EXOC6B: variants seen among roughly 807,000 people sequenced by gnomAD.
EXOC6B encodes the protein exocyst complex component 6B.
In EXOC6B, 54 loss-of-function variants were observed where a neutral mutation model predicts 113.5. The observed-to-expected ratio is 0.48, with a 90% CI of 0.38 to 0.60. EXOC6B has a LOEUF of 0.60. Among genes scored for constraint, EXOC6B ranks in the 20% least tolerant of loss-of-function variants. The pLI is 0.00. For synonymous variants in EXOC6B, 357 were observed against 339.0 expected, an observed-to-expected ratio of 1.05 and a Z score of -0.58; for missense variants, 797 against 977.5, an observed-to-expected ratio of 0.82 and a Z score of 2.46.
Position 72,208,168 on chromosome 2 carries a change from T to C in EXOC6B, c.2197-23981A>G, listed in dbSNP as rs116163754. Among the ~76,000 whole-genome samples, 533 of 152,150 alleles carry C rather than the reference T, an allele frequency of 3.5e-3. 1 individual carries two copies. The highest frequency in any genetic ancestry group is 0.013 in the African/African-American group (521 of 41,506). ...TATTACACAATGCTGAGGTTTGGGG[T>C]ACAGATCCCATCACCCAGGTAGTGA... On this transcript the variant is annotated intron_variant, in intron 20 of 21. Transcript: ENST00000272427.
intron 20 of EXOC6B, among the ~76,000 whole-genome samples, chr2:72,308,059 AT>A (rs1686991676): frequency 6.6e-6 from 1 of 152,230 alleles, no homozygotes; most frequent in Non-Finnish European, 1.5e-5. Flanking sequence ...CATTTGACTC[AT>A]TTGAAAGCAT....
intron 1 of EXOC6B, among the ~76,000 whole-genome samples, chr2:72,797,083 G>T (rs1685004793): frequency 6.6e-6 from 1 of 152,184 alleles, no homozygotes; most frequent in South Asian, 2.1e-4. Flanking sequence ...AGGAATGGGA[G>T]TCATAGGAAT....
intron 1 of EXOC6B, among the ~76,000 whole-genome samples, chr2:72,779,624 A>G (rs975084743): frequency 3.3e-5 from 5 of 152,164 alleles, no homozygotes; most frequent in Non-Finnish European, 7.3e-5. Flanking sequence ...CTCTGGCAAA[A>G]GACCACACAC....
chr2:72,650,761 T>C (rs200223278), intron 6 of EXOC6B, among the ~76,000 whole-genome samples: 1 of 151,484 alleles, frequency 6.6e-6, no homozygotes, highest in Non-Finnish European at 1.5e-5. Flanking sequence ...AGAATGGCTG[T>C]TACAAAAAAA....
At chr2:72,206,815 T>C (rs1679869301) in intron 20 of EXOC6B, among the ~76,000 whole-genome samples, 1 of 152,230 alleles carries the variant, frequency 6.6e-6, no homozygotes, top group Non-Finnish European at 1.5e-5. Flanking sequence ...GAAAGTAGAA[T>C]AAGTTCTACT....
chr2:72,345,864 G>C (rs1689299060), intron 19 of EXOC6B, among the ~76,000 whole-genome samples: 1 of 152,174 alleles, frequency 6.6e-6, no homozygotes, highest in Non-Finnish European at 1.5e-5. Flanking sequence ...TATATTCACT[G>C]ATTATAATAA....
chr2:72,364,366 G>A (rs1379206414), intron 19 of EXOC6B, among the ~76,000 whole-genome samples: 1 of 152,026 alleles, frequency 6.6e-6, no homozygotes, highest in Non-Finnish European at 1.5e-5. Flanking sequence ...GAACCTTAGT[G>A]GCTCTAAAAT....
At chr2:72,482,597 G>A (rs1056918560) in intron 16 of EXOC6B, among the ~76,000 whole-genome samples, 3 of 152,052 alleles carry the variant, frequency 2.0e-5, no homozygotes, top group Non-Finnish European at 4.4e-5. Context: ...TCAAAACAAC[G>A]TTAAAAAGTT....
chr2:72,532,141 T>C (rs901694268), intron 8 of EXOC6B, among the ~76,000 whole-genome samples: 8 of 152,162 alleles, frequency 5.3e-5, no homozygotes, highest in Non-Finnish European at 1.0e-4. Flanking sequence ...ACAACATGCA[T>C]GAATTTCAAA....
At chr2:72,606,822 G>T (rs945266612) in intron 6 of EXOC6B, among the ~76,000 whole-genome samples, 2 of 151,804 alleles carry the variant, frequency 1.3e-5, no homozygotes, top group Non-Finnish European at 2.9e-5. Context: ...TGTTGACCAG[G>T]CTGGTCTTGA....
At position 72,292,531 on chromosome 2, in the gene EXOC6B, C is replaced by T. The variant is rs572529909; in HGVS notation, c.2196+42416G>A. Among the ~76,000 whole-genome samples, 72 of 144,616 alleles carry T rather than the reference C, an allele frequency of 5.0e-4. 1 individual carries two copies. The highest frequency in any genetic ancestry group is 1.7e-3 in the African/African-American group (67 of 38,998). The allele number at this position is 144,616 out of a possible 152,430, so 94.9% of individuals were successfully genotyped here. ...TTGATTTCACCAGTTTTTACATGCA[C>T]GCTTTGTGTGTGTGTGTGTGTGTGT... On this transcript the variant is annotated intron_variant, in intron 20 of 21. Coordinates refer to ENST00000272427, the MANE Select transcript of EXOC6B (RefSeq NM_015189.3).
Position 72,292,172 on chromosome 2 carries a change from A to AGTGTGTGT in EXOC6B, c.2196+42767_2196+42774dup, listed in dbSNP as rs58303616. Among the ~76,000 whole-genome samples, 439 of 139,396 alleles carry AGTGTGTGT rather than the reference A, an allele frequency of 3.1e-3. 1 individual carries two copies. The highest frequency in any genetic ancestry group is 6.6e-3 in the African/African-American group (253 of 38,086). 91.4% of individuals were successfully genotyped at this position (139,396 alleles called of 152,430 possible). The stretch of plus-strand genomic sequence containing the variant: ...GTGGTGGCAGGAGGATCCAGAAGTA[A>AGTGTGTGT]GTGTGTGTGTGTGTGTGTGTGTGTG... On this transcript the variant is annotated intron_variant, in intron 20 of 21. Coordinates refer to ENST00000272427, the MANE Select transcript of EXOC6B (RefSeq NM_015189.3).
At position 72,678,660 on chromosome 2, in the gene EXOC6B, C is replaced by T. The variant is rs181761580; in HGVS notation, c.669+39443G>A. On this transcript the variant is annotated intron_variant, in intron 6 of 21. Coordinates refer to ENST00000272427, the MANE Select transcript of EXOC6B (RefSeq NM_015189.3). ...GGCAGAGGTTGCTGTGAGCCAAGAT[C>T]GTGCCACTGCCCTCCAGCCTGGGTG... is the stretch of plus-strand genomic sequence containing the variant. 4.1e-4 allele frequency among the ~76,000 whole-genome samples: 62 copies of T among 152,246 alleles called. 2 individuals are homozygous for T. In the East Asian group the frequency reaches 0.011, roughly 27 times the overall value.
intron 7 of EXOC6B, among the ~76,000 whole-genome samples, chr2:72,570,708 C>T (rs1704463312): frequency 6.6e-6 from 1 of 152,176 alleles, no homozygotes; most frequent in South Asian, 2.1e-4. Flanking sequence ...AATGCAGAAG[C>T]TCTGAAGTAA....
intron 16 of EXOC6B, among the ~76,000 whole-genome samples, chr2:72,484,638 C>G (rs562153699): frequency 6.6e-6 from 1 of 151,582 alleles, no homozygotes; most frequent in East Asian, 1.9e-4. Context: ...ATGTGTTGTT[C>G]CCTTCCCTGT....
intron 1 of EXOC6B, among the ~76,000 whole-genome samples, chr2:72,815,397 G>T (rs1686174219): frequency 6.6e-6 from 1 of 151,564 alleles, no homozygotes. Flanking sequence ...AGGCTAAGGT[G>T]AGAGGATCGC....
intron 6 of EXOC6B, among the ~76,000 whole-genome samples, chr2:72,666,136 A>G (rs1252811350): frequency 1.3e-5 from 2 of 152,196 alleles, no homozygotes; most frequent in Non-Finnish European, 2.9e-5. Context: ...AACAAGACTT[A>G]ACTATCCTAA....
chr2:72,521,237 T>G (rs182709106), intron 8 of EXOC6B, among the ~76,000 whole-genome samples: 3 of 152,108 alleles, frequency 2.0e-5, no homozygotes, highest in African/African-American at 7.2e-5. Flanking sequence ...AGGCAATAAG[T>G]TGTCATCTAG....
chr2:72,475,085 G>T (rs1698652636), intron 17 of EXOC6B, among the ~76,000 whole-genome samples: 1 of 152,132 alleles, frequency 6.6e-6, no homozygotes, highest in Admixed American at 6.5e-5. Context: ...CTGTGGTTTT[G>T]CTGGGGACTG....
Sources: gnomAD v4.1 joint callset for allele counts (sites outside exome capture counted in the v4.1 genomes callset) on GRCh38, gnomAD v4.1.1 for gene constraint, MANE v1.5 for transcripts, NCBI Gene and HGNC (gene_info 2026-07-23, HGNC 2026-07-21) for gene names.